The following IL1RAPL2 variants were observed in gnomAD, a reference collection of about 807,000 sequenced individuals.
IL1RAPL2 encodes the protein interleukin 1 receptor accessory protein like 2, also known as X-linked interleukin-1 receptor accessory protein-like 2.
A neutral mutation model predicts 44.1 loss-of-function variants in IL1RAPL2; 3 were observed. The observed-to-expected ratio is 0.07, with a 90% CI of 0.03 to 0.18. IL1RAPL2 has a LOEUF of 0.18. Ranked by LOEUF, IL1RAPL2 falls within the 10% of genes least tolerant of loss-of-function variation. The pLI is 1.00. For synonymous variants in IL1RAPL2, 181 were observed against 178.8 expected, an observed-to-expected ratio of 1.01 and a Z score of -0.10; for missense variants, 391 against 496.4, an observed-to-expected ratio of 0.79 and a Z score of 2.02.
intron 2 of IL1RAPL2, among the ~76,000 whole-genome samples, chrX:105,083,138 A>C (rs2032435327): frequency 1.8e-5 from 2 of 111,237 alleles, no homozygotes; most frequent in African/African-American, 6.5e-5. Flanking sequence ...AACACAGCAC[A>C]AGAACTTCAT....
chrX:105,256,394 T>C (rs370826276), intron 4 of IL1RAPL2, among the ~76,000 whole-genome samples: 2 of 108,573 alleles, frequency 1.8e-5, no homozygotes, highest in East Asian at 5.8e-4. Context: ...AATGGTGTGA[T>C]CTCAGCTCGC....
chrX:105,150,716 G>A (rs964240924), intron 2 of IL1RAPL2, among the ~76,000 whole-genome samples: 11 of 111,624 alleles, frequency 9.9e-5, no homozygotes, highest in Admixed American at 3.8e-4. Context: ...AATCTGTCAC[G>A]GATCTTAATA....
chrX:105,505,714 G>A lies in IL1RAPL2; in HGVS notation c.772+21327G>A, dbSNP rs1418850624. Among the ~76,000 whole-genome samples the A allele has an allele frequency of 3.6e-5, 4 of 111,244 alleles. No homozygotes were observed. The Admixed American group carries it at 3.8e-4, about 11-fold the overall frequency. ...TTATCATGCCAAACATCACAGGAGG[G>A]TTCTAATTAAAGAAGTTTCATGATG... On this transcript the variant is annotated intron_variant, in intron 6 of 10. Coordinates refer to ENST00000372582, the MANE Select transcript of IL1RAPL2 (RefSeq NM_017416.2).
intron 6 of IL1RAPL2, among the ~76,000 whole-genome samples, chrX:105,569,828 A>T (rs2037001775): frequency 9.0e-6 from 1 of 111,570 alleles, no homozygotes; most frequent in Admixed American, 9.6e-5. Context: ...TCATAGCTTC[A>T]TATCTGTAAA....
chrX:105,014,432 T>C (rs1377096826), intron 2 of IL1RAPL2, among the ~76,000 whole-genome samples: 1 of 110,915 alleles, frequency 9.0e-6, no homozygotes, highest in East Asian at 2.9e-4. Flanking sequence ...TCATCTACAG[T>C]AGGTATTTCT....
At chrX:105,547,939 A>G (rs773938793) in intron 6 of IL1RAPL2, among the ~76,000 whole-genome samples, 253 of 112,456 alleles carry the variant, frequency 2.2e-3, no homozygotes, top group African/African-American at 7.5e-3. Flanking sequence ...AATCTGTCAC[A>G]TTCTGTTATT....
At chrX:104,848,890 A>G (rs1302205193) in intron 2 of IL1RAPL2, among the ~76,000 whole-genome samples, 1 of 111,338 alleles carries the variant, frequency 9.0e-6, no homozygotes, top group African/African-American at 3.3e-5. Context: ...TTAGTATTTT[A>G]TCTTATTTGA....
At chrX:104,872,535 G>A (rs1054909146) in intron 2 of IL1RAPL2, among the ~76,000 whole-genome samples, 4 of 111,317 alleles carry the variant, frequency 3.6e-5, no homozygotes, top group Non-Finnish European at 7.5e-5. Flanking sequence ...AAACCAAGGA[G>A]CTTGACTTAG....
chrX:105,297,782 A>G (rs1198167336), intron 5 of IL1RAPL2, among the ~76,000 whole-genome samples: 4 of 111,166 alleles, frequency 3.6e-5, no homozygotes, highest in Admixed American at 9.6e-5. Context: ...ACCATATCAT[A>G]GGGTAGTGAT....
At chrX:105,618,560 A>G (rs1410554905) in intron 6 of IL1RAPL2, among the ~76,000 whole-genome samples, 4 of 111,854 alleles carry the variant, frequency 3.6e-5, no homozygotes, top group African/African-American at 1.3e-4. Flanking sequence ...TTTAGAGTCA[A>G]AACAGAGGAT....
intron 5 of IL1RAPL2, among the ~76,000 whole-genome samples, chrX:105,310,930 A>C (rs770983011): frequency 1.8e-5 from 2 of 111,571 alleles, no homozygotes; most frequent in African/African-American, 6.5e-5. Context: ...CTGACTTCTC[A>C]CTTTTATTAT....
chrX:104,620,561 G>A (rs1229462859), intron 1 of IL1RAPL2, among the ~76,000 whole-genome samples: 2 of 98,407 alleles, frequency 2.0e-5, no homozygotes, highest in African/African-American at 3.7e-5. Context: ...AATGGTGTGA[G>A]CCTGGGAGGC....
chrX:105,305,552 C>A (rs1274992867), intron 5 of IL1RAPL2, among the ~76,000 whole-genome samples: 1 of 110,481 alleles, frequency 9.1e-6, no homozygotes, highest in Non-Finnish European at 1.9e-5. Context: ...CTCTTTCGCT[C>A]TACAGTAGAA....
chrX:104,717,588 G>C (rs1389759811), intron 2 of IL1RAPL2, among the ~76,000 whole-genome samples: 1 of 110,175 alleles, frequency 9.1e-6, no homozygotes, highest in East Asian at 2.9e-4. Flanking sequence ...AGGGGGGGCA[G>C]ACACTCAATC....
chrX:104,838,731 A>T (rs753735285), intron 2 of IL1RAPL2, among the ~76,000 whole-genome samples: 25 of 109,640 alleles, frequency 2.3e-4, no homozygotes, highest in Non-Finnish European at 4.6e-4. Context: ...CTGTTGCTTG[A>T]TTGTCCTGGC....
At chrX:105,687,151 A>T (rs1312463501) in intron 6 of IL1RAPL2, among the ~76,000 whole-genome samples, 1 of 111,451 alleles carries the variant, frequency 9.0e-6, no homozygotes, top group Non-Finnish European at 1.9e-5. Flanking sequence ...CCCTAACATC[A>T]CAATCAAAAG....
intron 2 of IL1RAPL2, among the ~76,000 whole-genome samples, chrX:104,686,270 A>C (rs1490789833): frequency 8.9e-6 from 1 of 112,089 alleles, no homozygotes; most frequent in African/African-American, 3.2e-5. Flanking sequence ...TTAGTGCTTA[A>C]GGTGTTATGA....
chrX:104,912,158 C>CTTGGT (rs1924259793), intron 2 of IL1RAPL2, among the ~76,000 whole-genome samples: 1 of 103,042 alleles, frequency 9.7e-6, no homozygotes, highest in East Asian at 3.1e-4. Flanking sequence ...TCTTTTTTTC[C>CTTGGT]TTTGTTTTGT....
Position 104,846,427 on chromosome X carries a change from A to G in IL1RAPL2, c.82+187432A>G, listed in dbSNP as rs183212747. 3.1e-4 allele frequency among the ~76,000 whole-genome samples: 34 copies of G among 109,746 alleles called. No individual in the cohort carries two copies. In the South Asian group the frequency reaches 3.2e-3, roughly 10 times the overall value. ...TGTTTTCATTGTTCAATTCCCACCT[A>G]TGAGTGAGAACATGGGGTGTTTGGT... On this transcript the variant is annotated intron_variant, in intron 2 of 10. Transcript: ENST00000372582.
Sources: gnomAD v4.1 joint callset for allele counts (sites outside exome capture counted in the v4.1 genomes callset) on GRCh38, gnomAD v4.1.1 for gene constraint, MANE v1.5 for transcripts, NCBI Gene and HGNC (gene_info 2026-07-23, HGNC 2026-07-21) for gene names.